EML1: variants seen among roughly 807,000 people sequenced by gnomAD.
The protein encoded by EML1 is echinoderm microtubule-associated protein-like 1.
In EML1, 27 loss-of-function variants were observed where a neutral mutation model predicts 110.4. The ratio of observed to expected loss-of-function variants is 0.24; its 90% confidence interval spans 0.18 to 0.34. The LOEUF is 0.34. Among genes scored for constraint, EML1 ranks in the 10% least tolerant of loss-of-function variants. The pLI is 1.00. For synonymous variants in EML1, 344 were observed against 385.8 expected (o/e 0.89, Z 1.27); for missense variants, 741 against 1,030.9 (o/e 0.72, Z 3.85).
chr14:99,914,900 A>C, intron 15 of EML1: 1 of 647,554 alleles, frequency 1.5e-6, no homozygotes, highest in Non-Finnish European at 2.4e-6. Flanking sequence ...TGTAATTTTG[A>C]AGTTTACTGT....
chr14:99,917,701 G>A, intron 15 of EML1, 81 bp from the exon 16 acceptor site: 6 of 1,267,638 alleles, frequency 4.7e-6, no homozygotes, highest in Non-Finnish European at 6.9e-6. Context: ...GCGTTTGTGT[G>A]TGCACGCACT....
intron 1 of EML1, among the ~76,000 whole-genome samples, chr14:99,812,518 A>G (rs12891247): frequency 6.6e-6 from 1 of 151,428 alleles, no homozygotes; most frequent in East Asian, 1.9e-4. Context: ...CCCAGTGACC[A>G]TTCCTCGGCT....
At chr14:99,755,787 G>A (rs1158328730) in intron 1 of EML1, among the ~76,000 whole-genome samples, 3 of 152,160 alleles carry the variant, frequency 2.0e-5, no homozygotes, top group Admixed American at 6.5e-5. Context: ...TGTGTTGTGT[G>A]CATGGTAGGT....
chr14:99,790,633 G>A (rs2057653934), upstream of EML1, among the ~76,000 whole-genome samples: 1 of 152,176 alleles, frequency 6.6e-6, no homozygotes, highest in Non-Finnish European at 1.5e-5. Flanking sequence ...GGAATAGAGA[G>A]AGCATGAACA....
intron 17 of EML1, among the ~76,000 whole-genome samples, chr14:99,923,717 TTTG>T (rs2060179615): frequency 1.3e-5 from 1 of 74,806 alleles, no homozygotes; most frequent in African/African-American, 2.6e-4. Flanking sequence ...CTGCTGCAAA[TTTG>T]TTGTTTTTTT....
intron 11 of EML1, 143 bp downstream of exon 11, chr14:99,909,622 C>T (rs772317001): frequency 4.2e-5 from 47 of 1,128,720 alleles, no homozygotes; most frequent in Middle Eastern, 3.0e-4. Context: ...TGGTAGATAA[C>T]GCTGGTAATG....
At chr14:99,796,674 T>TG (rs1377413053) in intron 1 of EML1, among the ~76,000 whole-genome samples, 3 of 143,342 alleles carry the variant, frequency 2.1e-5, no homozygotes, top group East Asian at 2.3e-4. Flanking sequence ...CTTTTAATGC[T>TG]GGGAAAAAAA....
intron 1 of EML1, among the ~76,000 whole-genome samples, chr14:99,745,159 G>C (rs751475624): frequency 6.6e-6 from 1 of 152,010 alleles, no homozygotes; most frequent in Non-Finnish European, 1.5e-5. Flanking sequence ...TCTGCCTCCC[G>C]GGTTTAAGCG....
chr14:99,936,029 A>G lies in EML1; in HGVS notation c.1910A>G (p.Asp637Gly). The G allele has an allele frequency of 1.2e-6, 2 of 1,613,760 alleles. No individual in the cohort carries two copies. The highest frequency in any genetic ancestry group is 1.7e-6 in the Non-Finnish European group (2 of 1,179,754). Residue 637 changes from aspartate to glycine, a missense_variant and splice_region_variant, in exon 18 of 22, where the codon GAT becomes GGT. By Grantham distance (94) the Asp-to-Gly change is moderately conservative. Around this residue, in one of 4 missense-constraint regions of EML1, gnomAD observed 388 missense variants for 605.6 expected, o/e 0.64. Transcript: ENST00000262233. This position sits in a 1 kb window ranked among gnomAD's most constrained non-coding sequence, Gnocchi z 5.5. ...EQLSVMRYSP[D>G]GNFLAIGSHD... ...AATGTAATTTGTCATCTTTTTATAG[A>G]TGGGAATTTCTTAGCCATAGGCTCA...
In EML1 at chr14:99,865,604, C is replaced by G. The variant is rs1357859355; in HGVS notation, c.341C>G (p.Pro114Arg). 1.9e-6 allele frequency: 3 copies of G among 1,614,084 alleles called. No homozygotes were observed. The highest frequency in any genetic ancestry group is 1.3e-5 in the African/African-American group (1 of 74,938). ...PKKPTGSLPS[P>R]SGVRKETAVP... ...AAACCTACTGGCTCTCTACCATCCC[C>G]CTCCGGGGTCAGGAAAGAAACTGCT... Residue 114 changes from proline to arginine, a missense_variant, in exon 3 of 22, where the codon CCC (proline) becomes CGC (arginine). Pro to Arg is a moderately radical substitution (Grantham distance 103, BLOSUM62 -2). Coordinates refer to ENST00000262233, the MANE Select transcript of EML1 (RefSeq NM_004434.3).
chr14:99,845,981 C>T (rs760167959), intron 1 of EML1, among the ~76,000 whole-genome samples: 36 of 147,640 alleles, frequency 2.4e-4, no homozygotes, highest in Non-Finnish European at 4.3e-4. Flanking sequence ...ACCCAGGAGG[C>T]GGCGGTTGCA....
In EML1 at chr14:99,784,959, G is replaced by T. The variant is rs1206953229; in HGVS notation, c.-27+10946G>T. Among the ~76,000 whole-genome samples the T allele has an allele frequency of 1.3e-5, 2 of 152,258 alleles. No homozygotes were observed. Among genetic ancestry groups the T allele is most frequent in the Non-Finnish European group, 1.5e-5 (1 of 68,042 alleles). ...TGGAAAAGCAGAGGGATTGACAGGG[G>T]CCAAAGAACTGGAAGAACTAGAGGA... is the stretch of plus-strand genomic sequence containing the variant. On this transcript the variant is annotated intron_variant, in intron 1 of 22. Transcript: ENST00000327921. The surrounding 1 kb of genome is among the most constrained non-coding windows in gnomAD (Gnocchi z 4.5).
chr14:99,801,996 T>A (rs1264555075), intron 1 of EML1, among the ~76,000 whole-genome samples: 1 of 152,032 alleles, frequency 6.6e-6, no homozygotes, highest in African/African-American at 2.4e-5. Context: ...ATGACAACAG[T>A]GATAGGTTGT....
intron 4 of EML1, among the ~76,000 whole-genome samples, chr14:99,888,834 G>A (rs997215730): frequency 6.8e-6 from 1 of 147,038 alleles, no homozygotes; most frequent in African/African-American, 2.7e-5. Context: ...AGCCCTCTTA[G>A]ATGGGAGTAG....
intron 1 of EML1, among the ~76,000 whole-genome samples, chr14:99,848,584 A>G (rs1412925042): frequency 2.0e-5 from 3 of 152,198 alleles, no homozygotes; most frequent in Non-Finnish European, 4.4e-5. Context: ...TATTTACCCC[A>G]TCTTTTATGT....
intron 1 of EML1, among the ~76,000 whole-genome samples, chr14:99,839,359 A>T (rs2058596997): frequency 6.6e-6 from 1 of 152,006 alleles, no homozygotes; most frequent in Non-Finnish European, 1.5e-5. Flanking sequence ...TGTTATGGTT[A>T]TTTGTTGGCC....
At chr14:99,751,687 TG>T (rs760287106) in intron 1 of EML1, among the ~76,000 whole-genome samples, 30 of 151,966 alleles carry the variant, frequency 2.0e-4, no homozygotes, top group Non-Finnish European at 4.3e-4. Context: ...GAGAAAAGGG[TG>T]TTCCTGGCAG....
At chr14:99,914,797 C>G in intron 15 of EML1, 100 bp downstream of exon 15, 1 of 1,432,934 alleles carries the variant, frequency 7.0e-7, no homozygotes, top group Non-Finnish European at 9.3e-7. Flanking sequence ...AAAGTTGTCC[C>G]AAAGCAAATG....
At chr14:99,767,913 A>AC (rs147917614) in intron 1 of EML1, among the ~76,000 whole-genome samples, 6,587 of 151,662 alleles carry the variant, frequency 0.043, 480 homozygotes, top group African/African-American at 0.14. Flanking sequence ...TATTCTGAAC[A>AC]CCCCCCACAC....
Sources: gnomAD v4.1 joint callset for allele counts (sites outside exome capture counted in the v4.1 genomes callset) on GRCh38, gnomAD v4.1.1 for gene constraint, gnomAD v4.1.1 regional missense constraint, Gnocchi (gnomAD v3.1) non-coding constraint, MANE v1.5 for transcripts, NCBI Gene and HGNC (gene_info 2026-07-23, HGNC 2026-07-21) for gene names.